TDP1: variants seen among roughly 807,000 people sequenced by gnomAD.
TDP1 encodes the protein tyr-DNA phosphodiesterase 1.
In TDP1, 64 loss-of-function variants were observed where a neutral mutation model predicts 81.5. That is an observed-to-expected ratio of 0.79 (90% confidence interval 0.64 to 0.97). The LOEUF (loss-of-function observed/expected upper bound fraction) is 0.97. Among genes scored for constraint, TDP1 ranks in the 50% least tolerant of loss-of-function variants. TDP1 has a pLI of 0.00. For missense variants in TDP1, 723 were observed against 743.8 expected, an observed-to-expected ratio of 0.97 and a Z score of 0.33; for synonymous variants, 256 against 264.3, an observed-to-expected ratio of 0.97 and a Z score of 0.30.
intron 2 of TDP1, among the ~76,000 whole-genome samples, chr14:89,961,200 A>G (rs556461938): frequency 5.3e-5 from 8 of 152,198 alleles, no homozygotes; most frequent in African/African-American, 7.2e-5. Context: ...ATGAATTACA[A>G]TTAGGCCCTC....
At chr14:89,999,945 A>G (rs1897045098) in intron 14 of TDP1, among the ~76,000 whole-genome samples, 1 of 152,042 alleles carries the variant, frequency 6.6e-6, no homozygotes, top group African/African-American at 2.4e-5. Flanking sequence ...TTACTATCTC[A>G]TGGTTCCCGT....
chr14:90,033,926 G>C (rs1566929925), intron 16 of TDP1, among the ~76,000 whole-genome samples: 1 of 152,160 alleles, frequency 6.6e-6, no homozygotes, highest in Non-Finnish European at 1.5e-5. Context: ...AAATAGCCGG[G>C]TGTGGTGGAT....
chr14:89,968,396 G>C (rs1042452462), intron 5 of TDP1, among the ~76,000 whole-genome samples: 3 of 152,094 alleles, frequency 2.0e-5, no homozygotes, highest in African/African-American at 7.2e-5. Flanking sequence ...TCGTGGCCCA[G>C]TATGGCAGCT....
chr14:90,000,454 G>A (rs994967967), intron 14 of TDP1, among the ~76,000 whole-genome samples: 1 of 152,042 alleles, frequency 6.6e-6, no homozygotes. Flanking sequence ...TCACGATCTC[G>A]GCTCACTGCA....
Position 90,033,087 on chromosome 14 carries a change from T to G in TDP1, c.1645-19T>G. 2 of 1,545,706 alleles carry G rather than the reference T, an allele frequency of 1.3e-6. No individual in the cohort carries two copies. The highest frequency in any genetic ancestry group is 1.8e-6 in the Non-Finnish European group (2 of 1,118,048). Reference sequence around the variant, plus strand: ...CAGAAAATGGGGTGCAATCATAGATTTCCTCTGTGTGTCTGCAGGGTCTAG... The same window carrying G: ...CAGAAAATGGGGTGCAATCATAGATGTCCTCTGTGTGTCTGCAGGGTCTAG... On this transcript the variant is annotated intron_variant, in intron 15 of 16. Coordinates refer to ENST00000335725, the MANE Select transcript of TDP1 (RefSeq NM_018319.4).
chr14:90,014,640 G>GTGC (rs936253543), intron 14 of TDP1, among the ~76,000 whole-genome samples: 1 of 152,158 alleles, frequency 6.6e-6, no homozygotes, highest in Non-Finnish European at 1.5e-5. Context: ...TGTACTCTTT[G>GTGC]TGCTGCTGCT....
chr14:89,961,479 G>A (rs1390170157), intron 2 of TDP1, among the ~76,000 whole-genome samples: 1 of 152,190 alleles, frequency 6.6e-6, no homozygotes, highest in Non-Finnish European at 1.5e-5. Context: ...ATAGTTTAAA[G>A]GTAGCAGTGT....
At chr14:89,984,820 C>G (rs924947200) in intron 9 of TDP1, 137 bp downstream of exon 9, 46 of 1,569,900 alleles carry the variant, frequency 2.9e-5, no homozygotes, top group Admixed American at 2.5e-4. Context: ...AGGGGATGAG[C>G]AGATTCTATC....
At chr14:90,036,220 T>C (rs1379876429) in intron 16 of TDP1, among the ~76,000 whole-genome samples, 1 of 152,180 alleles carries the variant, frequency 6.6e-6, no homozygotes, top group Admixed American at 6.5e-5. Context: ...TTATTTAATA[T>C]TGGTACTGTT....
intron 14 of TDP1, among the ~76,000 whole-genome samples, chr14:89,994,029 C>G (rs1010852565): frequency 9.9e-5 from 15 of 152,250 alleles, no homozygotes; most frequent in East Asian, 5.8e-4. Context: ...AAGAAACCAC[C>G]TACCTGTTGG....
chr14:90,041,738 T>C (rs1339032170), intron 16 of TDP1, among the ~76,000 whole-genome samples: 1 of 152,192 alleles, frequency 6.6e-6, no homozygotes, highest in East Asian at 1.9e-4. Context: ...ATATGGGGAG[T>C]TATTTTTAAT....
chr14:90,019,865 A>C (rs1885759287), intron 15 of TDP1, among the ~76,000 whole-genome samples: 1 of 152,024 alleles, frequency 6.6e-6, no homozygotes. Context: ...GTATAGAGAG[A>C]GGTGGGAATG....
At chr14:90,032,291 C>T (rs1375368839) in intron 15 of TDP1, among the ~76,000 whole-genome samples, 1 of 152,016 alleles carries the variant, frequency 6.6e-6, no homozygotes, top group African/African-American at 2.4e-5. Flanking sequence ...TTTATGGGTT[C>T]CTAAGACATC....
At chr14:90,020,346 T>C (rs1186751859) in intron 15 of TDP1, among the ~76,000 whole-genome samples, 2 of 127,542 alleles carry the variant, frequency 1.6e-5, no homozygotes, top group Non-Finnish European at 3.1e-5. Flanking sequence ...TTTCCTTCCT[T>C]CCTCCCTTCC....
intron 2 of TDP1, among the ~76,000 whole-genome samples, chr14:89,960,617 G>T (rs1892215056): frequency 6.6e-6 from 1 of 152,170 alleles, no homozygotes; most frequent in African/African-American, 2.4e-5. Flanking sequence ...GGAGCAAGTG[G>T]CCCCAGCCCT....
intron 16 of TDP1, among the ~76,000 whole-genome samples, chr14:90,033,907 A>AG (rs1566929898): frequency 6.6e-6 from 1 of 152,060 alleles, no homozygotes; most frequent in Non-Finnish European, 1.5e-5. Context: ...GTAAAAAAAA[A>AG]TTTGTTTTAA....
At chr14:90,029,944 C>T (rs1287365993) in intron 15 of TDP1, among the ~76,000 whole-genome samples, 1 of 152,180 alleles carries the variant, frequency 6.6e-6, no homozygotes, top group Non-Finnish European at 1.5e-5. Flanking sequence ...GGAATAAGTA[C>T]CATGGGCCAG....
intron 14 of TDP1, among the ~76,000 whole-genome samples, chr14:89,998,392 A>G (rs1235815891): frequency 9.5e-6 from 1 of 105,254 alleles, no homozygotes; most frequent in African/African-American, 5.5e-5. Context: ...ATATATATAT[A>G]TATATATATA....
chr14:89,995,024 T>C (rs1566886801), intron 14 of TDP1, among the ~76,000 whole-genome samples: 1 of 152,258 alleles, frequency 6.6e-6, no homozygotes, highest in African/African-American at 2.4e-5. Flanking sequence ...AGTTTTGTAC[T>C]GTGAATATCT....
Sources: allele counts gnomAD v4.1 joint callset (sites outside exome capture counted in the v4.1 genomes callset), GRCh38; gene constraint gnomAD v4.1.1; transcripts MANE v1.5; gene names NCBI Gene and HGNC (gene_info 2026-07-23, HGNC 2026-07-21).